TTC27: variants seen among roughly 807,000 people sequenced by gnomAD.
TTC27 encodes the protein tetratricopeptide repeat protein 27.
TTC27 carries 79 observed loss-of-function variants against 115.9 expected under a neutral mutation model. That is an observed-to-expected ratio of 0.68 (90% CI 0.57 to 0.82). The LOEUF (loss-of-function observed/expected upper bound fraction) is 0.82, where lower values mean the gene tolerates loss of function less well. TTC27 is among the 40% of genes least tolerant of loss of function. The pLI, the probability that TTC27 is intolerant of heterozygous loss-of-function variation, is 0.00. For missense variants in TTC27, 1,054 were observed against 993.1 expected (o/e 1.06, Z -0.82); for synonymous variants, 401 against 356.0 (o/e 1.13, Z -1.42).
intron 5 of TTC27, among the ~76,000 whole-genome samples, chr2:32,654,955 C>A (rs28756351): frequency 6.6e-6 from 1 of 150,626 alleles, no homozygotes; most frequent in Non-Finnish European, 1.5e-5. Flanking sequence ...CTCAGCCCCC[C>A]AAAGTGCTTG....
intron 12 of TTC27, among the ~76,000 whole-genome samples, chr2:32,754,351 C>G (rs917461232): frequency 2.0e-5 from 3 of 148,896 alleles, no homozygotes; most frequent in South Asian, 2.2e-4. Flanking sequence ...TGACTCTTAA[C>G]GAGCATGCTG....
chr2:32,669,003 C>T (rs1436965583), intron 7 of TTC27, among the ~76,000 whole-genome samples: 6 of 151,806 alleles, frequency 4.0e-5, no homozygotes, highest in South Asian at 2.1e-4. Flanking sequence ...GGCGTGAACC[C>T]GGGAGGCGGA....
At chr2:32,792,498 G>GT (rs145134703) in intron 16 of TTC27, among the ~76,000 whole-genome samples, 16,647 of 151,018 alleles carry the variant, frequency 0.11, 1,032 homozygotes, top group African/African-American at 0.17. Context: ...TTGTTTTTTG[G>GT]TTTTTTTTTG....
chr2:32,803,505 C>T (rs1331288808), intron 16 of TTC27, among the ~76,000 whole-genome samples: 1 of 152,190 alleles, frequency 6.6e-6, no homozygotes, highest in Non-Finnish European at 1.5e-5. Flanking sequence ...CTGTGTTCTC[C>T]ACCATATTAG....
rs1572595841 is a variant in TTC27, at chr2:32,768,407, C to G, written c.1681-9475C>G. Among the ~76,000 whole-genome samples, 3 of 152,292 alleles carry G rather than the reference C, an allele frequency of 2.0e-5. 1 individual carries two copies. The highest frequency in any genetic ancestry group is 2.0e-4 in the Admixed American group (3 of 15,294). On this transcript the variant is annotated intron_variant, in intron 13 of 19. Coordinates refer to ENST00000317907, the MANE Select transcript of TTC27 (RefSeq NM_017735.5). ...TTATTTTCTTTAGTGCTCTGGTTCA[C>G]TTTCAAAAGTGTTGCAGTTTGTACA...
intron 5 of TTC27, among the ~76,000 whole-genome samples, chr2:32,663,461 C>T (rs1315489271): frequency 6.6e-6 from 1 of 152,184 alleles, no homozygotes; most frequent in African/African-American, 2.4e-5. Context: ...GGGTGATCGC[C>T]TCGCCCTGCT....
intron 10 of TTC27, among the ~76,000 whole-genome samples, chr2:32,732,904 A>G (rs989175945): frequency 1.3e-5 from 2 of 152,240 alleles, no homozygotes. Flanking sequence ...TAGAAAAAAG[A>G]TCATGATAAT....
intron 16 of TTC27, among the ~76,000 whole-genome samples, chr2:32,800,121 G>T (rs1188430533): frequency 6.6e-6 from 1 of 152,206 alleles, no homozygotes. Context: ...CTATTAAGAG[G>T]AGTAAATGAG....
At chr2:32,694,168 A>T (rs1222851162) in intron 9 of TTC27, among the ~76,000 whole-genome samples, 3 of 152,244 alleles carry the variant, frequency 2.0e-5, no homozygotes, top group Admixed American at 1.3e-4. Flanking sequence ...CATTTCTAAG[A>T]AATGAGTATG....
At chr2:32,754,144 A>G (rs1026152177) in intron 12 of TTC27, among the ~76,000 whole-genome samples, 15 of 144,514 alleles carry the variant, frequency 1.0e-4, no homozygotes, top group African/African-American at 3.7e-4. Context: ...TTCATTCTAC[A>G]TTCTTTTTTT....
At chr2:32,708,585 G>A (rs1667466548) in intron 10 of TTC27, among the ~76,000 whole-genome samples, 1 of 151,928 alleles carries the variant, frequency 6.6e-6, no homozygotes, top group South Asian at 2.1e-4. Context: ...TGGGATTACA[G>A]GTGTGAGCCA....
At chr2:32,744,035 C>G (rs764666370) in intron 12 of TTC27, among the ~76,000 whole-genome samples, 5 of 152,168 alleles carry the variant, frequency 3.3e-5, no homozygotes, top group Non-Finnish European at 5.9e-5. Flanking sequence ...TAAGAATATT[C>G]CAAAGATGAC....
At chr2:32,793,671 T>C (rs942924916) in intron 16 of TTC27, among the ~76,000 whole-genome samples, 2 of 151,996 alleles carry the variant, frequency 1.3e-5, no homozygotes, top group African/African-American at 4.8e-5. Context: ...TATAGGTGCC[T>C]GCCACCACGC....
At chr2:32,628,993 C>T (rs1427984237) in intron 1 of TTC27, among the ~76,000 whole-genome samples, 1 of 151,834 alleles carries the variant, frequency 6.6e-6, no homozygotes, top group Non-Finnish European at 1.5e-5. Context: ...CTCCTGACCT[C>T]AGATGATTCG....
chr2:32,657,054 C>T (rs1043594193), intron 5 of TTC27, among the ~76,000 whole-genome samples: 9 of 140,028 alleles, frequency 6.4e-5, no homozygotes, highest in African/African-American at 1.6e-4. Context: ...GGCACGATTT[C>T]GGCTCACTGC....
At chr2:32,632,609 T>A (rs950953044) in intron 2 of TTC27, among the ~76,000 whole-genome samples, 1 of 152,248 alleles carries the variant, frequency 6.6e-6, no homozygotes, top group Non-Finnish European at 1.5e-5. Context: ...TTTTCTCTAA[T>A]GCTGCTTATT....
At chr2:32,744,639 A>C (rs1201426351) in intron 12 of TTC27, among the ~76,000 whole-genome samples, 1 of 152,114 alleles carries the variant, frequency 6.6e-6, no homozygotes, top group African/African-American at 2.4e-5. Context: ...GCTTCTTTCA[A>C]CCTCTCTGAG....
intron 13 of TTC27, among the ~76,000 whole-genome samples, chr2:32,759,877 G>A (rs899019823): frequency 2.6e-5 from 4 of 152,160 alleles, no homozygotes; most frequent in Admixed American, 2.6e-4. Context: ...ATTTCACTTA[G>A]CATAATGTCC....
intron 10 of TTC27, among the ~76,000 whole-genome samples, chr2:32,724,107 C>T (rs921505687): frequency 3.3e-5 from 5 of 151,416 alleles, no homozygotes; most frequent in Non-Finnish European, 2.9e-5. Context: ...CTTGTGCTTT[C>T]ATTAAGACAC....
Sources: gnomAD v4.1 joint callset for allele counts (sites outside exome capture counted in the v4.1 genomes callset) on GRCh38, gnomAD v4.1.1 for gene constraint, MANE v1.5 for transcripts, NCBI Gene and HGNC (gene_info 2026-07-23, HGNC 2026-07-21) for gene names.